Variants in GRIK3 observed in about 807,000 individuals in gnomAD.
The protein encoded by GRIK3 is glutamate ionotropic receptor kainate type subunit 3, also known as glutamate receptor ionotropic, kainate 3.
In GRIK3, 29 loss-of-function variants were observed where a neutral mutation model predicts 102.5. The ratio of observed to expected loss-of-function variants is 0.28; its 90% CI spans 0.21 to 0.39. The LOEUF (loss-of-function observed/expected upper bound fraction) is 0.39. Ranked by LOEUF, GRIK3 falls within the 10% of genes least tolerant of loss-of-function variation. GRIK3 has a pLI of 1.00. For missense variants in GRIK3, 908 were observed against 1,252.4 expected (o/e 0.73, Z 4.15); for synonymous variants, 511 against 504.9 (o/e 1.01, Z -0.16).
chr1:36,981,329 G>A (rs930621802), intron 1 of GRIK3, among the ~76,000 whole-genome samples: 1 of 152,218 alleles, frequency 6.6e-6, no homozygotes, highest in Non-Finnish European at 1.5e-5. Context: ...GCCTCTGGGA[G>A]GGTGAGTGGG....
chr1:37,003,980 A>G (rs1642505771), intron 1 of GRIK3, among the ~76,000 whole-genome samples: 1 of 152,082 alleles, frequency 6.6e-6, no homozygotes, highest in Admixed American at 6.5e-5. Context: ...AGGAGCCCCA[A>G]AACGAACTTG....
intron 2 of GRIK3, among the ~76,000 whole-genome samples, chr1:36,881,848 C>T (rs903406502): frequency 1.3e-5 from 2 of 152,164 alleles, no homozygotes; most frequent in East Asian, 1.9e-4. Flanking sequence ...TTTCTGACTT[C>T]GTCTCCCATC....
At chr1:36,918,464 A>C (rs2124301459) in intron 1 of GRIK3, among the ~76,000 whole-genome samples, 1 of 152,322 alleles carries the variant, frequency 6.6e-6, no homozygotes, top group Non-Finnish European at 1.5e-5. Context: ...TAATGGCGAC[A>C]AAGTATCTGA....
At position 36,819,652 on chromosome 1, in the gene GRIK3, C is replaced by T; in HGVS notation, c.1873+84G>A. 1.3e-6 allele frequency: 1 copy of T among 763,094 alleles called. No homozygotes were observed. The highest frequency in any genetic ancestry group is 2.4e-6 in the Non-Finnish European group (1 of 418,424). The allele number at this position is 763,094 out of a possible 1,614,324, so 47.3% of individuals were successfully genotyped here. On this transcript the variant is annotated intron_variant, in intron 12 of 15. Transcript: ENST00000373091. The surrounding 1 kb of genome is among the most constrained non-coding windows in gnomAD (Gnocchi z 4.1). ...CTGAGGCTACCCCTAGAGGTGTGGG[C>T]TGGCTCTGCTGATGCCAAAGAGGCT...
At chr1:36,881,808 G>T (rs1406561528) in intron 2 of GRIK3, among the ~76,000 whole-genome samples, 2 of 152,168 alleles carry the variant, frequency 1.3e-5, no homozygotes, top group Admixed American at 1.3e-4. Context: ...GCTTGTTGTA[G>T]CTCCTCCCTT....
chr1:37,004,525 A>G (rs559520789), intron 1 of GRIK3, among the ~76,000 whole-genome samples: 1 of 152,246 alleles, frequency 6.6e-6, no homozygotes, highest in African/African-American at 2.4e-5. Flanking sequence ...CCCAAACGGA[A>G]TCACCACTCA....
Position 36,927,918 on chromosome 1 carries a change from G to A in GRIK3, c.116-36822C>T, listed in dbSNP as rs564907892. Among the ~76,000 whole-genome samples, 17 of 152,284 alleles carry A rather than the reference G, an allele frequency of 1.1e-4. No homozygotes were observed. The South Asian group carries it at 2.3e-3, about 20-fold the overall frequency. On this transcript the variant is annotated intron_variant, in intron 1 of 15. Coordinates refer to ENST00000373091, the MANE Select transcript of GRIK3 (RefSeq NM_000831.4). The stretch of plus-strand genomic sequence containing the variant: ...TTTCACGGATTTAAGAAGAAAAAAA[G>A]ATTGTCTAGAATTCCGCCTCCGGAA...
chr1:36,972,551 C>T (rs1225170161), intron 1 of GRIK3, among the ~76,000 whole-genome samples: 1 of 152,134 alleles, frequency 6.6e-6, no homozygotes, highest in Non-Finnish European at 1.5e-5. Context: ...CAGGACTTCC[C>T]GTTGCCACTC....
rs1034287234 is a variant in GRIK3, at chr1:36,859,921, T to C, written c.883A>G (p.Ile295Val). 3 of 1,613,814 alleles carry C rather than the reference T, an allele frequency of 1.9e-6. No homozygotes were observed. The highest frequency in any genetic ancestry group is 2.2e-5 in the East Asian group (1 of 44,876). ...LNVDNPHVSA[I>V]VEKWSMERLQ... The stretch of plus-strand genomic sequence containing the variant: ...CGCTCCATGGACCACTTCTCCACAA[T>C]GGCCGAGACGTGTGGGTTGTCCACA... The change falls in exon 6 of 16, where the codon ATT becomes GTT. Residue 295 changes from isoleucine (I) to valine (V), a missense_variant. Ile to Val is a conservative substitution (Grantham distance 29). Transcript: ENST00000373091.
At chr1:36,884,374 A>G (rs575649295) in intron 2 of GRIK3, among the ~76,000 whole-genome samples, 17 of 152,322 alleles carry the variant, frequency 1.1e-4, no homozygotes, top group African/African-American at 3.6e-4. Flanking sequence ...CCTCTCCCCA[A>G]GGAGGCCATG....
intron 1 of GRIK3, among the ~76,000 whole-genome samples, chr1:36,987,826 C>T (rs1355756638): frequency 6.6e-6 from 1 of 152,108 alleles, no homozygotes; most frequent in Non-Finnish European, 1.5e-5. Flanking sequence ...GTTCCAGACA[C>T]TCAAAAGAAA....
chr1:37,029,107 G>GTGC (rs1332721077), intron 1 of GRIK3, among the ~76,000 whole-genome samples: 1 of 151,162 alleles, frequency 6.6e-6, no homozygotes, highest in Non-Finnish European at 1.5e-5. Flanking sequence ...CTGCCCTCTG[G>GTGC]TGCTGCTGCT....
chr1:36,874,263 A>T (rs920335167), intron 3 of GRIK3, among the ~76,000 whole-genome samples: 1 of 152,224 alleles, frequency 6.6e-6, no homozygotes, highest in Non-Finnish European at 1.5e-5. Context: ...AGGGCTGGAC[A>T]TCAGGAAAGC....
At chr1:36,965,522 G>C (rs972744509) in intron 1 of GRIK3, among the ~76,000 whole-genome samples, 1 of 152,126 alleles carries the variant, frequency 6.6e-6, no homozygotes, top group South Asian at 2.1e-4. Flanking sequence ...CCATAGCCAG[G>C]GGATAGATGA....
chr1:36,896,369 G>A (rs1641172424), intron 1 of GRIK3, among the ~76,000 whole-genome samples: 1 of 152,208 alleles, frequency 6.6e-6, no homozygotes, highest in Non-Finnish European at 1.5e-5. Context: ...AAGGATGGGA[G>A]GGAGGAATTA....
chr1:36,833,398 C>T (rs1189446499), intron 10 of GRIK3, among the ~76,000 whole-genome samples: 1 of 152,238 alleles, frequency 6.6e-6, no homozygotes, highest in Non-Finnish European at 1.5e-5. Context: ...TCATTCCCAC[C>T]TCAGAGAGGT....
At chr1:36,807,225 C>G (rs1256180397) in intron 13 of GRIK3, among the ~76,000 whole-genome samples, 1 of 152,086 alleles carries the variant, frequency 6.6e-6, no homozygotes, top group Non-Finnish European at 1.5e-5. Flanking sequence ...TGGGGAGACG[C>G]AGAGAGGTCA....
At chr1:36,821,707 T>A (rs1202352637) in intron 11 of GRIK3, among the ~76,000 whole-genome samples, 2 of 152,128 alleles carry the variant, frequency 1.3e-5, no homozygotes, top group Admixed American at 6.5e-5. Context: ...AACAGGGAGA[T>A]GCCATGGGGC....
chr1:36,820,776 T>C (rs942855276), intron 11 of GRIK3, among the ~76,000 whole-genome samples: 1 of 152,262 alleles, frequency 6.6e-6, no homozygotes, highest in African/African-American at 2.4e-5. Flanking sequence ...TATAATTTTT[T>C]AGATTTTTGT....
Sources: allele counts gnomAD v4.1 joint callset (sites outside exome capture counted in the v4.1 genomes callset), GRCh38; gene constraint gnomAD v4.1.1; non-coding constraint Gnocchi (gnomAD v3.1); transcripts MANE v1.5; gene names NCBI Gene and HGNC (gene_info 2026-07-23, HGNC 2026-07-21).